Variants in LRRC7 observed in about 807,000 individuals in gnomAD.
LRRC7 encodes leucine rich repeat containing 7.
LRRC7 carries 23 observed loss-of-function variants against 175.7 expected under a neutral mutation model. That is an observed-to-expected ratio of 0.13 (90% CI 0.09 to 0.19). LRRC7 has a LOEUF of 0.19. Among genes scored for constraint, LRRC7 ranks in the 10% least tolerant of loss-of-function variants. The pLI is 1.00. For synonymous variants in LRRC7, 685 were observed against 680.9 expected (o/e 1.01, Z -0.09); for missense variants, 1,354 against 1,904.7 (o/e 0.71, Z 5.38).
At chr1:69,873,695 T>C (rs1685775236) in intron 7 of LRRC7, 1 of 250,150 alleles carries the variant, frequency 4.0e-6, no homozygotes, top group Non-Finnish European at 8.5e-6. Context: ...GCCTAGTATC[T>C]ACAAAATGTT....
At chr1:69,610,689 A>G (rs756490615) in intron 1 of LRRC7, among the ~76,000 whole-genome samples, 33 of 152,054 alleles carry the variant, frequency 2.2e-4, no homozygotes, top group Non-Finnish European at 4.4e-4. Context: ...CATTTTTAAG[A>G]GAGAGCACTT....
chr1:69,953,014 A>G (rs574141739), intron 8 of LRRC7, among the ~76,000 whole-genome samples: 66 of 151,698 alleles, frequency 4.4e-4, no homozygotes, highest in Non-Finnish European at 6.9e-4. Flanking sequence ...AAAAAAAAAA[A>G]AAAAAGTATA....
In LRRC7 at chr1:69,760,341, G is replaced by A. The variant is rs2100937709; in HGVS notation, c.251G>A (p.Arg84Gln). The change falls in exon 3 of 27, where the codon CGA (arginine) becomes CAA (glutamine). Residue 84 changes from arginine (R) to glutamine (Q), a missense_variant. By Grantham distance (43) the Arg-to-Gln change is conservative. Coordinates refer to ENST00000651989, the MANE Select transcript of LRRC7 (RefSeq NM_001370785.2). Reference protein sequence around the residue: ...QVPKEVFNFERTLEELYLDAN... With the variant: ...QVPKEVFNFEQTLEELYLDAN... ...CCAAAGGAGGTCTTTAACTTCGAACGAACATTAGAGGAGCTTTATCTAGAT... is the reference window on the plus strand; with the variant it reads ...CCAAAGGAGGTCTTTAACTTCGAACAAACATTAGAGGAGCTTTATCTAGAT... 1 of 1,612,736 alleles carries A rather than the reference G, an allele frequency of 6.2e-7. No individual in the cohort carries two copies. The highest frequency in any genetic ancestry group is 8.5e-7 in the Non-Finnish European group (1 of 1,179,224).
intron 1 of LRRC7, among the ~76,000 whole-genome samples, chr1:69,593,080 T>C: frequency 6.6e-6 from 1 of 152,110 alleles, no homozygotes; most frequent in Admixed American, 6.6e-5. Flanking sequence ...CTAATTAATA[T>C]TTGTTTAATT....
chr1:70,076,436 G>T (rs1387037862), intron 24 of LRRC7, 138 bp downstream of exon 24: 2 of 704,126 alleles, frequency 2.8e-6, no homozygotes, highest in Non-Finnish European at 4.8e-6. Flanking sequence ...CTCTTTGTGG[G>T]GATTTTATCA....
At chr1:70,020,399 C>T (rs1220625313) in intron 15 of LRRC7, among the ~76,000 whole-genome samples, 1 of 151,916 alleles carries the variant, frequency 6.6e-6, no homozygotes, top group East Asian at 1.9e-4. Flanking sequence ...AAATTTTCCA[C>T]GTTTTCTACC....
chr1:69,768,749 G>C (rs537007136), intron 3 of LRRC7, among the ~76,000 whole-genome samples: 13 of 152,256 alleles, frequency 8.5e-5, no homozygotes, highest in Middle Eastern at 3.4e-3. Flanking sequence ...TGCTGATCCT[G>C]GGAGTTGGGA....
At chr1:69,631,154 T>C (rs1652432388) in intron 1 of LRRC7, among the ~76,000 whole-genome samples, 1 of 152,164 alleles carries the variant, frequency 6.6e-6, no homozygotes, top group Admixed American at 6.6e-5. Flanking sequence ...TATCTTTTCT[T>C]TATGTCTGCA....
chr1:69,605,092 C>G (rs1647311554), intron 1 of LRRC7, among the ~76,000 whole-genome samples: 1 of 152,104 alleles, frequency 6.6e-6, no homozygotes, highest in Admixed American at 6.6e-5. Context: ...AATTGTAGCT[C>G]CCATAATTCC....
At chr1:69,794,975 C>T (rs1675549077) in intron 4 of LRRC7, among the ~76,000 whole-genome samples, 1 of 152,208 alleles carries the variant, frequency 6.6e-6, no homozygotes. Context: ...AACCACTCTG[C>T]AATACTAGTA....
chr1:69,714,655 T>C (rs1473918227), intron 2 of LRRC7, among the ~76,000 whole-genome samples: 1 of 152,066 alleles, frequency 6.6e-6, no homozygotes, highest in Non-Finnish European at 1.5e-5. Flanking sequence ...GGGGCCAGGA[T>C]GGGGAAGATT....
At chr1:69,636,843 A>T (rs779400382) in intron 1 of LRRC7, among the ~76,000 whole-genome samples, 1 of 152,024 alleles carries the variant, frequency 6.6e-6, no homozygotes, top group Non-Finnish European at 1.5e-5. Flanking sequence ...CCAACCATGC[A>T]GTCTGGAATA....
chr1:69,703,376 T>C (rs1265679767), intron 2 of LRRC7, among the ~76,000 whole-genome samples: 4 of 152,072 alleles, frequency 2.6e-5, no homozygotes, highest in Admixed American at 2.6e-4. Context: ...TTTACATTTC[T>C]ATGACAAATC....
At position 69,724,477 on chromosome 1, in the gene LRRC7, A is replaced by G. The variant is rs192158640; in HGVS notation, c.101-35714A>G. Among the ~76,000 whole-genome samples the G allele has an allele frequency of 2.6e-5, 4 of 152,350 alleles. No homozygotes were observed. The East Asian group carries it at 7.7e-4, about 29-fold the overall frequency. ...ACACATAGCACATAACATGCAATAAACATTGCTTATGATAATTATTTGAGA... is the reference window on the plus strand; with the variant it reads ...ACACATAGCACATAACATGCAATAAGCATTGCTTATGATAATTATTTGAGA... On this transcript the variant is annotated intron_variant, in intron 2 of 26. Transcript: ENST00000651989.
At chr1:69,798,171 C>T (rs1200653946) in intron 4 of LRRC7, among the ~76,000 whole-genome samples, 5 of 152,122 alleles carry the variant, frequency 3.3e-5, no homozygotes, top group Admixed American at 2.0e-4. Flanking sequence ...CTGCCCTCCT[C>T]GGCCTCCCAA....
At chr1:69,911,498 T>C (rs878992860) in intron 7 of LRRC7, among the ~76,000 whole-genome samples, 3 of 152,212 alleles carry the variant, frequency 2.0e-5, no homozygotes, top group Admixed American at 1.3e-4. Flanking sequence ...CCATTCTGAC[T>C]GGTGTGAGAT....
chr1:69,906,466 C>T (rs1646315180), intron 7 of LRRC7, among the ~76,000 whole-genome samples: 1 of 152,160 alleles, frequency 6.6e-6, no homozygotes, highest in Admixed American at 6.5e-5. Flanking sequence ...CCAGTTTCAC[C>T]TTTCTACATA....
At chr1:70,116,098 A>C (rs1276548579) in intron 26 of LRRC7, among the ~76,000 whole-genome samples, 1 of 152,240 alleles carries the variant, frequency 6.6e-6, no homozygotes, top group East Asian at 1.9e-4. Flanking sequence ...CAGATAAATA[A>C]ATTTATTCAG....
chr1:70,088,287 T>G (rs1174977434), intron 24 of LRRC7, among the ~76,000 whole-genome samples: 1 of 152,160 alleles, frequency 6.6e-6, no homozygotes, highest in Non-Finnish European at 1.5e-5. Context: ...TTGGGCACAG[T>G]GGCTAACACC....
Sources: gnomAD v4.1 joint callset for allele counts (sites outside exome capture counted in the v4.1 genomes callset) on GRCh38, gnomAD v4.1.1 for gene constraint, MANE v1.5 for transcripts, NCBI Gene and HGNC (gene_info 2026-07-23, HGNC 2026-07-21) for gene names.